Variants in PDS5A observed in about 807,000 individuals in gnomAD.
PDS5A encodes the protein sister chromatid cohesion protein PDS5 homolog A.
PDS5A carries 42 observed loss-of-function variants against 167.1 expected under a neutral mutation model. The observed-to-expected ratio is 0.25, with a 90% CI of 0.20 to 0.33. The LOEUF (loss-of-function observed/expected upper bound fraction) is 0.33, where lower values mean the gene tolerates loss of function less well. PDS5A is among the 10% of genes least tolerant of loss of function. PDS5A has a pLI of 1.00. For missense variants in PDS5A, 1,033 were observed against 1,605.9 expected (o/e 0.64, Z 6.10); for synonymous variants, 553 against 554.6 (o/e 1.00, Z 0.04).
At chr4:39,895,740 CAG>C (rs1722350663) in intron 16 of PDS5A, among the ~76,000 whole-genome samples, 1 of 152,110 alleles carries the variant, frequency 6.6e-6, no homozygotes, top group South Asian at 2.1e-4. Context: ...GTTTTTGAGA[CAG>C]AGTCTCGCTC....
chr4:39,869,497 G>GAA (rs34039605), intron 21 of PDS5A, 35 bp from the exon 22 acceptor site: 4,406 of 1,118,664 alleles, frequency 3.9e-3, no homozygotes, highest in East Asian at 4.8e-3. Context: ...CTATTAGCAT[G>GAA]AAAAAAAAAA....
At chr4:39,935,533 T>C (rs2623792) in intron 2 of PDS5A, among the ~76,000 whole-genome samples, 19,258 of 152,248 alleles carry the variant, frequency 0.13, 1,391 homozygotes, top group African/African-American at 0.21. Context: ...AAAAGACTAT[T>C]CTTTCTCTTT....
Position 39,877,108 on chromosome 4 carries a change from ATGTCTC to A in PDS5A, c.2032_2037del (p.Glu678_Thr679del). 1 of 1,607,940 alleles carries A rather than the reference ATGTCTC, an allele frequency of 6.2e-7. No homozygotes were observed. The highest frequency in any genetic ancestry group is 8.5e-7 in the Non-Finnish European group (1 of 1,175,072). On this transcript the variant is annotated inframe_deletion, in exon 19 of 33. Coordinates refer to ENST00000303538, the MANE Select transcript of PDS5A (RefSeq NM_001100399.2). Reference sequence around the variant, plus strand: ...CTTAGGCACTGTAACAAGGACTCATATGTCTCTGCAGAGTGGAACGAGGTAGGATGT... The same window carrying A: ...CTTAGGCACTGTAACAAGGACTCATATGCAGAGTGGAACGAGGTAGGATGT...
At chr4:39,903,709 T>C (rs34841675) in intron 12 of PDS5A, among the ~76,000 whole-genome samples, 18,288 of 152,108 alleles carry the variant, frequency 0.12, 1,290 homozygotes, top group African/African-American at 0.21. Flanking sequence ...TATATAAAAC[T>C]GAAGCGCACA....
intron 10 of PDS5A, among the ~76,000 whole-genome samples, chr4:39,909,183 T>C (rs1723672196): frequency 6.6e-6 from 1 of 152,086 alleles, no homozygotes; most frequent in Non-Finnish European, 1.5e-5. Flanking sequence ...TGGAGTGTAA[T>C]AGAGCAATCT....
intron 5 of PDS5A, among the ~76,000 whole-genome samples, chr4:39,923,517 C>T (rs567401996): frequency 6.6e-6 from 1 of 151,472 alleles, no homozygotes; most frequent in African/African-American, 2.4e-5. Flanking sequence ...AGCTGAGTAG[C>T]CCCAGCTACT....
At position 39,955,466 on chromosome 4, in the gene PDS5A, C is replaced by T. The variant is rs542931221; in HGVS notation, c.138+20974G>A. Among the ~76,000 whole-genome samples the T allele has an allele frequency of 1.1e-4, 17 of 151,482 alleles. No individual in the cohort carries two copies. In the South Asian group the frequency reaches 3.5e-3, roughly 32 times the overall value. ...AAAATACAAAAAATTACCCAGGTGT[C>T]GTGGCGGATGCTTGTAATCCCAGCT... On this transcript the variant is annotated intron_variant, in intron 2 of 32. Coordinates refer to ENST00000303538, the MANE Select transcript of PDS5A (RefSeq NM_001100399.2).
At chr4:39,845,725 T>C in intron 29 of PDS5A, 93 bp downstream of exon 29, 2 of 1,240,736 alleles carry the variant, frequency 1.6e-6, no homozygotes, top group South Asian at 2.1e-5. Flanking sequence ...TCAGGAACTA[T>C]ACAATCTAGT....
chr4:39,977,150 C>A lies in PDS5A; in HGVS notation c.-41+307G>T, dbSNP rs991735592. ...GGGGTAGTCCCCGCCGCGCTGCCAC[C>A]CCTCCCCTGTTCCGCTCCCTCACCC... On this transcript the variant is annotated intron_variant, in intron 1 of 32. Coordinates refer to ENST00000303538, the MANE Select transcript of PDS5A (RefSeq NM_001100399.2). This position sits in a 1 kb window ranked among gnomAD's most constrained non-coding sequence, Gnocchi z 4.2. Among the ~76,000 whole-genome samples, 1 of 152,022 alleles carries A rather than the reference C, an allele frequency of 6.6e-6. No homozygotes were observed. The highest frequency in any genetic ancestry group is 1.5e-5 in the Non-Finnish European group (1 of 67,968).
At chr4:39,972,244 G>A (rs1730615942) in intron 2 of PDS5A, among the ~76,000 whole-genome samples, 1 of 152,102 alleles carries the variant, frequency 6.6e-6, no homozygotes, top group African/African-American at 2.4e-5. Flanking sequence ...ACGGTTGGCT[G>A]GGCGCGGTGG....
At chr4:39,893,333 C>T (rs936057867) in intron 16 of PDS5A, among the ~76,000 whole-genome samples, 91 of 152,328 alleles carry the variant, frequency 6.0e-4, no homozygotes, top group African/African-American at 1.9e-3. Flanking sequence ...CCCCACCCCA[C>T]ACACAAATAC....
intron 11 of PDS5A, among the ~76,000 whole-genome samples, chr4:39,906,926 A>T (rs1005903119): frequency 2.5e-4 from 37 of 150,102 alleles, no homozygotes; most frequent in East Asian, 7.7e-4. Context: ...ATAAAAAAAA[A>T]AAAAAAAAAA....
chr4:39,944,895 C>CT (rs759761719), intron 2 of PDS5A, among the ~76,000 whole-genome samples: 31 of 151,968 alleles, frequency 2.0e-4, no homozygotes, highest in Non-Finnish European at 4.0e-4. Flanking sequence ...ATCCTCTATT[C>CT]TTTTTTTCTT....
At chr4:39,923,272 G>A (rs1165204814) in intron 5 of PDS5A, among the ~76,000 whole-genome samples, 2 of 148,292 alleles carry the variant, frequency 1.3e-5, no homozygotes, top group African/African-American at 5.0e-5. Context: ...AGTTTGCAGT[G>A]AGCAGAGATC....
intron 2 of PDS5A, among the ~76,000 whole-genome samples, chr4:39,942,727 T>C (rs934406072): frequency 6.6e-6 from 1 of 152,120 alleles, no homozygotes; most frequent in Non-Finnish European, 1.5e-5. Flanking sequence ...CACCGTCAAC[T>C]TCCTCTTCTG....
chr4:39,961,343 G>C (rs1729460893), intron 2 of PDS5A, among the ~76,000 whole-genome samples: 1 of 151,888 alleles, frequency 6.6e-6, no homozygotes, highest in Non-Finnish European at 1.5e-5. Context: ...ATGTCGCCCA[G>C]GCTGAAGGGT....
At chr4:39,954,996 T>C (rs1039209972) in intron 2 of PDS5A, among the ~76,000 whole-genome samples, 1 of 151,706 alleles carries the variant, frequency 6.6e-6, no homozygotes, top group Admixed American at 6.6e-5. Flanking sequence ...GCCATGATCA[T>C]GAAACTGAAC....
Position 39,973,861 on chromosome 4 carries a change from C to G in PDS5A, c.138+2579G>C, listed in dbSNP as rs909832737. ...TGCTGCAAGACCGGGCGCGGTGGCT[C>G]ACGCCTGTAATCCCAGCACTTTGGG... On this transcript the variant is annotated intron_variant, in intron 2 of 32. Coordinates refer to ENST00000303538, the MANE Select transcript of PDS5A (RefSeq NM_001100399.2). 1.6e-5 allele frequency: 14 copies of G among 856,438 alleles called. No individual in the cohort carries two copies. In the African/African-American group the frequency reaches 2.3e-4, roughly 14 times the overall value. 53.1% of individuals were successfully genotyped at this position (856,438 alleles called of 1,614,324 possible). A position where few individuals can be genotyped will look rare whatever the true frequency, so the allele number is the denominator to read the frequency against.
intron 2 of PDS5A, among the ~76,000 whole-genome samples, chr4:39,942,890 G>C (rs533315119): frequency 3.3e-5 from 5 of 151,820 alleles, no homozygotes; most frequent in Admixed American, 1.3e-4. Context: ...TGGGAGGATC[G>C]TTTGATGCCT....
Sources: gnomAD v4.1 joint callset for allele counts (sites outside exome capture counted in the v4.1 genomes callset) on GRCh38, gnomAD v4.1.1 for gene constraint, Gnocchi (gnomAD v3.1) non-coding constraint, MANE v1.5 for transcripts, NCBI Gene and HGNC (gene_info 2026-07-23, HGNC 2026-07-21) for gene names.